The following TTC28 variants were observed in gnomAD, a reference collection of about 807,000 sequenced individuals.
TTC28 encodes the protein tetratricopeptide repeat protein 28.
TTC28 carries 61 observed loss-of-function variants against 198.0 expected under a neutral mutation model. That is an observed-to-expected ratio of 0.31 (90% CI 0.25 to 0.38). The LOEUF is 0.38. Among genes scored for constraint, TTC28 ranks in the 10% least tolerant of loss-of-function variants. TTC28 has a pLI of 1.00. For missense variants in TTC28, 2,678 were observed against 3,164.0 expected, an observed-to-expected ratio of 0.85 and a Z score of 3.69; for synonymous variants, 1,171 against 1,297.8, an observed-to-expected ratio of 0.90 and a Z score of 2.10.
chr22:28,528,516 G>A (rs1182090862), intron 2 of TTC28, among the ~76,000 whole-genome samples: 3 of 151,736 alleles, frequency 2.0e-5, no homozygotes, highest in Admixed American at 1.3e-4. Flanking sequence ...AACCACTTGA[G>A]GTTAGGAGCT....
At chr22:28,412,559 T>C (rs758348070) in intron 2 of TTC28, among the ~76,000 whole-genome samples, 24 of 152,202 alleles carry the variant, frequency 1.6e-4, no homozygotes, top group Non-Finnish European at 2.9e-4. Context: ...CCCACTACAA[T>C]ACTCTTCTCT....
chr22:28,088,180 A>C (rs2146836643), intron 12 of TTC28, among the ~76,000 whole-genome samples: 1 of 152,262 alleles, frequency 6.6e-6, no homozygotes, highest in Non-Finnish European at 1.5e-5. Context: ...TTCATATGGC[A>C]CCAAAAAAGA....
At position 28,094,230 on chromosome 22, in the gene TTC28, T is replaced by C. The variant is rs769492329; in HGVS notation, c.3782A>G (p.His1261Arg). 22 of 1,544,810 alleles carry C rather than the reference T, an allele frequency of 1.4e-5. No homozygotes were observed. The African/African-American group carries it at 2.1e-4, about 14-fold the overall frequency. Residue 1261 changes from histidine to arginine, a missense_variant, in exon 12 of 23, where the codon CAT becomes CGT. Transcript: ENST00000397906. ...LAPGAGIVKF[H>R]EHYLGENTVE... ...TGTGTTCTCACCCAGGTAGTGTTCATGAAACTTCACAATTCCTGAAGCAAA... is the reference window on the plus strand; with the variant it reads ...TGTGTTCTCACCCAGGTAGTGTTCACGAAACTTCACAATTCCTGAAGCAAA...
chr22:28,378,971 CA>C (rs2046455110), intron 2 of TTC28, among the ~76,000 whole-genome samples: 1 of 151,878 alleles, frequency 6.6e-6, no homozygotes, highest in South Asian at 2.1e-4. Flanking sequence ...ACATCATAAT[CA>C]ATTTTTTAAA....
At chr22:28,182,888 T>A (rs1208291421) in intron 5 of TTC28, among the ~76,000 whole-genome samples, 1 of 152,146 alleles carries the variant, frequency 6.6e-6, no homozygotes. Flanking sequence ...TTAAACCAAA[T>A]TACAAATACA....
At chr22:28,559,345 G>A (rs2049834464) in intron 2 of TTC28, among the ~76,000 whole-genome samples, 1 of 152,122 alleles carries the variant, frequency 6.6e-6, no homozygotes, top group African/African-American at 2.4e-5. Flanking sequence ...GAATCCGAAA[G>A]TACTCCAGCC....
chr22:28,203,905 TTA>T (rs1485505796), intron 5 of TTC28, among the ~76,000 whole-genome samples: 3 of 152,172 alleles, frequency 2.0e-5, no homozygotes, highest in Non-Finnish European at 4.4e-5. Flanking sequence ...GGTCATTTGA[TTA>T]TGTTATTGTT....
chr22:28,336,108 T>G (rs1271296875), intron 2 of TTC28, among the ~76,000 whole-genome samples: 1 of 152,256 alleles, frequency 6.6e-6, no homozygotes, highest in Non-Finnish European at 1.5e-5. Flanking sequence ...ATGTGGTTTT[T>G]GTCATTGCTT....
chr22:28,386,275 A>C (rs909092896), intron 2 of TTC28, among the ~76,000 whole-genome samples: 1 of 8,772 alleles, frequency 1.1e-4, no homozygotes. Flanking sequence ...ACTCCGTCTC[A>C]AAAAAAAAAA....
intron 2 of TTC28, among the ~76,000 whole-genome samples, chr22:28,584,932 A>G (rs2050291794): frequency 6.6e-6 from 1 of 152,148 alleles, no homozygotes; most frequent in African/African-American, 2.4e-5. Flanking sequence ...GTTATAGAAT[A>G]GTGGAGGTAG....
At chr22:28,100,442 A>C (rs1942109026) in intron 9 of TTC28, among the ~76,000 whole-genome samples, 1 of 152,354 alleles carries the variant, frequency 6.6e-6, no homozygotes, top group South Asian at 2.1e-4. Flanking sequence ...ACTTTTTATA[A>C]CCAGGAAATT....
At chr22:28,288,720 GGA>G (rs919689328) in intron 5 of TTC28, among the ~76,000 whole-genome samples, 1 of 151,488 alleles carries the variant, frequency 6.6e-6, no homozygotes, top group Non-Finnish European at 1.5e-5. Context: ...GACTGAGGCA[GGA>G]GAGTGGCTTG....
intron 2 of TTC28, among the ~76,000 whole-genome samples, chr22:28,607,584 A>AT (rs1476254180): frequency 6.6e-6 from 1 of 152,164 alleles, no homozygotes. Context: ...CTCATAACTG[A>AT]TTTTTTTAAT....
intron 12 of TTC28, among the ~76,000 whole-genome samples, chr22:28,062,532 C>T (rs1940590463): frequency 6.7e-6 from 1 of 150,208 alleles, no homozygotes; most frequent in Non-Finnish European, 1.5e-5. Flanking sequence ...TACAGTGATG[C>T]CATCGTAGCT....
intron 6 of TTC28, among the ~76,000 whole-genome samples, chr22:28,143,867 C>T (rs774399807): frequency 7.9e-5 from 12 of 152,178 alleles, no homozygotes; most frequent in African/African-American, 2.9e-4. Context: ...GCGAATCTTA[C>T]AGCACAAAAG....
At chr22:28,453,698 TATC>T (rs762132393) in intron 2 of TTC28, among the ~76,000 whole-genome samples, 5 of 152,188 alleles carry the variant, frequency 3.3e-5, no homozygotes, top group African/African-American at 4.8e-5. Flanking sequence ...CTTGCCACTT[TATC>T]ATCATCTCTA....
chr22:28,201,751 CAAA>C (rs34790960), intron 5 of TTC28, among the ~76,000 whole-genome samples: 6 of 80,986 alleles, frequency 7.4e-5, no homozygotes, highest in East Asian at 3.5e-4. Context: ...TTACAGAAAG[CAAA>C]AAAAAAAAAA....
chr22:28,347,338 C>T (rs2045920619), intron 2 of TTC28, among the ~76,000 whole-genome samples: 1 of 151,616 alleles, frequency 6.6e-6, no homozygotes, highest in Non-Finnish European at 1.5e-5. Flanking sequence ...TTCTCCTCAA[C>T]ATATGCTCCT....
At chr22:28,387,666 C>T (rs1197385830) in intron 2 of TTC28, among the ~76,000 whole-genome samples, 3 of 152,112 alleles carry the variant, frequency 2.0e-5, no homozygotes, top group African/African-American at 7.2e-5. Flanking sequence ...CTGTTCATGT[C>T]CTTCGCCCAC....
Sources: gnomAD v4.1 joint callset for allele counts (sites outside exome capture counted in the v4.1 genomes callset) on GRCh38, gnomAD v4.1.1 for gene constraint, MANE v1.5 for transcripts, NCBI Gene and HGNC (gene_info 2026-07-23, HGNC 2026-07-21) for gene names.